KASH5: variants seen among roughly 807,000 people sequenced by gnomAD.
KASH5 encodes the protein KASH domain containing 5.
A neutral mutation model predicts 84.2 loss-of-function variants in KASH5; 72 were observed. The ratio of observed to expected loss-of-function variants is 0.85; its 90% CI spans 0.71 to 1.04. The LOEUF (loss-of-function observed/expected upper bound fraction) is 1.04, where lower values mean the gene tolerates loss of function less well. KASH5 is among the 50% of genes least tolerant of loss of function. The probability of loss-of-function intolerance (pLI) is 0.00; values close to 1 mark genes in which losing one functional copy is unlikely to be tolerated. For synonymous variants in KASH5, 260 were observed against 279.1 expected, an observed-to-expected ratio of 0.93 and a Z score of 0.68; for missense variants, 650 against 701.0, an observed-to-expected ratio of 0.93 and a Z score of 0.82.
At position 49,395,767 on chromosome 19, in the gene KASH5, A is replaced by G; in HGVS notation, c.336-2A>G. On this transcript the variant is annotated splice_acceptor_variant, in intron 4 of 19. Transcript: ENST00000447857. LOFTEE classifies it high-confidence loss of function. This position sits in a 1 kb window ranked among gnomAD's most constrained non-coding sequence, Gnocchi z 4.4. ...GCGCTAAGCCTCATCCCTTTGATAC[A>G]GGGGATTAGAGCTGGAAGAGGAGAC... is the stretch of plus-strand genomic sequence containing the variant. 6.4e-7 allele frequency: 1 copy of G among 1,558,068 alleles called. No homozygotes were observed. The highest frequency in any genetic ancestry group is 8.7e-7 in the Non-Finnish European group (1 of 1,151,208).
chr19:49,407,337 G>A (rs755067324), intron 11 of KASH5, 41 bp downstream of exon 11: 2 of 1,593,946 alleles, frequency 1.3e-6, no homozygotes, highest in Non-Finnish European at 1.7e-6. Flanking sequence ...CTTTCCATGT[G>A]CACCAGCCAC....
In KASH5 at chr19:49,399,588, AC is replaced by A; in HGVS notation, c.798+85del. ...GACACCACTCCCTTCTGCCCCCAACACCCCAGCAGCCTGTCTTGGGGAGACC... is the reference window on the plus strand; with the variant it reads ...GACACCACTCCCTTCTGCCCCCAACACCCAGCAGCCTGTCTTGGGGAGACC... On this transcript the variant is annotated intron_variant, in intron 9 of 19. Coordinates refer to ENST00000447857, the MANE Select transcript of KASH5 (RefSeq NM_144688.5). The surrounding 1 kb of genome is among the most constrained non-coding windows in gnomAD (Gnocchi z 4.4). The A allele has an allele frequency of 1.3e-6, 2 of 1,551,160 alleles. No homozygotes were observed. Among genetic ancestry groups the A allele is most frequent in the East Asian group, 2.4e-5 (1 of 41,082 alleles).
intron 5 of KASH5, among the ~76,000 whole-genome samples, chr19:49,397,111 A>G (rs1442428430): frequency 6.6e-6 from 1 of 152,050 alleles, no homozygotes; most frequent in Non-Finnish European, 1.5e-5. Context: ...CATACAAAAA[A>G]CGGTGGGGAA....
Position 49,399,358 on chromosome 19 carries a change from C to G in KASH5, c.748-99C>G. 4.9e-6 allele frequency: 6 copies of G among 1,224,556 alleles called. No individual in the cohort carries two copies. Among genetic ancestry groups the G allele is most frequent in the Non-Finnish European group, 7.0e-6 (6 of 856,714 alleles). The allele number at this position is 1,224,556 out of a possible 1,614,324, so 75.9% of individuals were successfully genotyped here. A position where few individuals can be genotyped will look rare whatever the true frequency, so the allele number is the denominator to read the frequency against. On this transcript the variant is annotated intron_variant, in intron 8 of 19. Transcript: ENST00000447857. The surrounding 1 kb of genome is among the most constrained non-coding windows in gnomAD (Gnocchi z 4.4). ...GCCATCAGGGCTTCCCAGACCCATT[C>G]CCCCAGGCCCTGGTTGTGTTTTCAG...
rs1974736556 is a variant in KASH5 at position 49,412,003 on chromosome 19, C to G, written c.1270-965C>G. 6.6e-6 allele frequency among the ~76,000 whole-genome samples: 1 copy of G among 151,898 alleles called. No individual in the cohort carries two copies. The highest frequency in any genetic ancestry group is 2.1e-4 in the South Asian group (1 of 4,816). ...AGGAAGCCAGCCTTTGAGGCACTAG[C>G]ACAGCCTGTGCAAGGCCTTGGCATA... On this transcript the variant is annotated intron_variant, in intron 15 of 19. Transcript: ENST00000447857. This position sits in a 1 kb window ranked among gnomAD's most constrained non-coding sequence, Gnocchi z 4.6.
In KASH5 at chr19:49,397,672, C is replaced by A; in HGVS notation, c.422C>A (p.Pro141Gln). 1 of 1,613,852 alleles carries A rather than the reference C, an allele frequency of 6.2e-7. No homozygotes were observed. The highest frequency in any genetic ancestry group is 8.5e-7 in the Non-Finnish European group (1 of 1,179,848). ...CCAGGATGCCCAGAAGCTGAGGAGCCAGCCAACCTGGAGAGCTTCGGAGGC... is the reference window on the plus strand; with the variant it reads ...CCAGGATGCCCAGAAGCTGAGGAGCAAGCCAACCTGGAGAGCTTCGGAGGC... Reference protein sequence around the residue: ...LPSGCPEAEEPANLESFGGED... With the variant: ...LPSGCPEAEEQANLESFGGED... Residue 141 changes from proline to glutamine, a missense_variant, in exon 6 of 20, where the codon CCA becomes CAA. By Grantham distance (76) the Pro-to-Gln change is moderately conservative. Transcript: ENST00000447857.
chr19:49,413,607 G>A (rs1298644540), intron 16 of KASH5, among the ~76,000 whole-genome samples: 1 of 152,206 alleles, frequency 6.6e-6, no homozygotes, highest in Admixed American at 6.5e-5. Context: ...CTGAGATTGG[G>A]CGGGATGGGA....
Position 49,397,726 on chromosome 19 carries a change from C to T in KASH5, c.467+9C>T, listed in dbSNP as rs1311719419. 2 of 1,613,160 alleles carry T rather than the reference C, an allele frequency of 1.2e-6. No individual in the cohort carries two copies. The highest frequency in any genetic ancestry group is 1.7e-5 in the Admixed American group (1 of 59,998). On this transcript the variant is annotated intron_variant, in intron 6 of 19. Coordinates refer to ENST00000447857, the MANE Select transcript of KASH5 (RefSeq NM_144688.5). ...GACCCCAGACCCGAGCTGTACCTAT[C>T]CTCACACCCCTCCCTGACCCTCCTG...
At chr19:49,403,176 T>C (rs971011063) in intron 9 of KASH5, among the ~76,000 whole-genome samples, 23 of 152,062 alleles carry the variant, frequency 1.5e-4, no homozygotes, top group African/African-American at 4.8e-4. Context: ...GCTAACATGG[T>C]GAAACCCCCG....
chr19:49,397,639 C>T lies in KASH5; in HGVS notation c.401-12C>T, dbSNP rs767821765. 3 of 1,613,666 alleles carry T rather than the reference C, an allele frequency of 1.9e-6. No homozygotes were observed. Among genetic ancestry groups the T allele is most frequent in the Non-Finnish European group, 2.5e-6 (3 of 1,179,658 alleles). On this transcript the variant is annotated splice_polypyrimidine_tract_variant and intron_variant, in intron 5 of 19. Transcript: ENST00000447857. ...CAGGGAAGCCAACATTCTCTTGGCTCTCTCCCTCCAGGATGCCCAGAAGCT... is the reference window on the plus strand; with the variant it reads ...CAGGGAAGCCAACATTCTCTTGGCTTTCTCCCTCCAGGATGCCCAGAAGCT...
Position 49,395,430 on chromosome 19 carries a change from G to A in KASH5, c.335+138G>A, listed in dbSNP as rs1222883338. On this transcript the variant is annotated intron_variant, in intron 4 of 19. Transcript: ENST00000447857. The surrounding 1 kb of genome is among the most constrained non-coding windows in gnomAD (Gnocchi z 4.4). ...GAGGCTGTGGAGAGAAAAATGAAGA[G>A]ACGGGATTCAGAGGGGGTAGATAGG... is the stretch of plus-strand genomic sequence containing the variant. The A allele has an allele frequency of 3.2e-6, 3 of 951,626 alleles. No homozygotes were observed. Among genetic ancestry groups the A allele is most frequent in the Admixed American group, 5.2e-5 (2 of 38,422 alleles). 58.9% of individuals were successfully genotyped at this position (951,626 alleles called of 1,614,324 possible). A position where few individuals can be genotyped will look rare whatever the true frequency, so the allele number is the denominator to read the frequency against.
At chr19:49,400,159 C>G (rs923210468) in intron 9 of KASH5, among the ~76,000 whole-genome samples, 8 of 141,122 alleles carry the variant, frequency 5.7e-5, no homozygotes, top group African/African-American at 2.1e-4. Flanking sequence ...GCCCGGGAGA[C>G]AGAGGTTGCA....
Position 49,394,471 on chromosome 19 carries a change from C to T in KASH5, c.44-5C>T. The T allele has an allele frequency of 6.2e-7, 1 of 1,612,454 alleles. No individual in the cohort carries two copies. Among genetic ancestry groups the T allele is most frequent in the Non-Finnish European group, 8.5e-7 (1 of 1,178,692 alleles). ...CTGGTGAGCTGAGCCCTCTTGTCTC[C>T]CCAGTGTACCTCCGGGAGCGGCCTG... is the stretch of plus-strand genomic sequence containing the variant. On this transcript the variant is annotated splice_region_variant and splice_polypyrimidine_tract_variant and intron_variant, in intron 2 of 19. Transcript: ENST00000447857.
intron 9 of KASH5, among the ~76,000 whole-genome samples, chr19:49,404,807 C>T (rs1974472114): frequency 6.6e-6 from 1 of 152,162 alleles, no homozygotes; most frequent in Non-Finnish European, 1.5e-5. Flanking sequence ...TCCTGAATGG[C>T]ACAATTTGAT....
rs1361271108 is a variant in KASH5 at position 49,417,298 on chromosome 19, G to A, written c.1547+32G>A. 1 of 1,598,012 alleles carries A rather than the reference G, an allele frequency of 6.3e-7. No homozygotes were observed. ...CCCCAGGCGTCTCCAGAAGGAAGGA[G>A]GTGGTCTGACATTGGGAAGAGCAGG... On this transcript the variant is annotated intron_variant, in intron 19 of 19. Coordinates refer to ENST00000447857, the MANE Select transcript of KASH5 (RefSeq NM_144688.5). This position sits in a 1 kb window ranked among gnomAD's most constrained non-coding sequence, Gnocchi z 5.2.
intron 5 of KASH5, among the ~76,000 whole-genome samples, chr19:49,396,114 C>G (rs1974168287): frequency 1.3e-5 from 2 of 152,182 alleles, no homozygotes; most frequent in African/African-American, 4.8e-5. Context: ...ATCACCTCTC[C>G]TCACTCTAGT....
At position 49,407,287 on chromosome 19, in the gene KASH5, C is replaced by G. The variant is rs200851261; in HGVS notation, c.924C>G (p.Ile308Met). The change falls in exon 11 of 20, where the codon ATC becomes ATG. Residue 308 changes from isoleucine to methionine, a missense_variant. Transcript: ENST00000447857. The stretch of plus-strand genomic sequence containing the variant: ...ACCTCATTTGCCAAAGAGACACCAT[C>G]CTCTCTGAGGTAAGGGGCCCCGGGA... ...CEHLICQRDT[I>M]LSERTRDVES... is the part of the protein sequence containing the mutation. 6.8e-6 allele frequency: 11 copies of G among 1,613,892 alleles called. No individual in the cohort carries two copies. The Admixed American group carries it at 1.7e-4, about 24-fold the overall frequency.
chr19:49,397,796 T>C, intron 6 of KASH5, 79 bp downstream of exon 6: 1 of 1,535,170 alleles, frequency 6.5e-7, no homozygotes, highest in Non-Finnish European at 9.0e-7. Flanking sequence ...GGGTAGGGCT[T>C]GGGATCCTTC....
intron 3 of KASH5, 179 bp downstream of exon 3, chr19:49,394,759 T>C: frequency 1.7e-6 from 1 of 598,590 alleles, no homozygotes. Flanking sequence ...GGTGAAGGCC[T>C]TTTAGAATGA....
Sources: gnomAD v4.1 joint callset for allele counts (sites outside exome capture counted in the v4.1 genomes callset) on GRCh38, gnomAD v4.1.1 for gene constraint, Gnocchi (gnomAD v3.1) non-coding constraint, MANE v1.5 for transcripts, NCBI Gene and HGNC (gene_info 2026-07-23, HGNC 2026-07-21) for gene names.